The following FRMD4B variants were observed in gnomAD, a reference collection of about 807,000 sequenced individuals.
FRMD4B encodes FERM domain containing 4B.
A neutral mutation model predicts 141.5 loss-of-function variants in FRMD4B; 74 were observed. The observed-to-expected ratio is 0.52, with a 90% confidence interval of 0.43 to 0.63. FRMD4B has a LOEUF of 0.63. Ranked by LOEUF, FRMD4B falls within the 30% of genes least tolerant of loss-of-function variation. The pLI, the probability that FRMD4B is intolerant of heterozygous loss-of-function variation, is 0.00. For missense variants in FRMD4B, 1,366 were observed against 1,253.4 expected (o/e 1.09, Z -1.36); for synonymous variants, 506 against 467.9 (o/e 1.08, Z -1.05).
At chr3:69,269,646 TTTTG>T (rs1186595137) in intron 5 of FRMD4B, among the ~76,000 whole-genome samples, 1 of 152,236 alleles carries the variant, frequency 6.6e-6, no homozygotes, top group East Asian at 1.9e-4. Flanking sequence ...CTGTATTCTT[TTTTG>T]TTTGTTTGTT....
At chr3:69,493,117 A>T (rs1357851023) in intron 1 of FRMD4B, among the ~76,000 whole-genome samples, 1 of 152,210 alleles carries the variant, frequency 6.6e-6, no homozygotes, top group East Asian at 1.9e-4. Flanking sequence ...TACACAATCA[A>T]AAGCACAAAC....
chr3:69,254,308 C>T (rs1052868302), intron 5 of FRMD4B, among the ~76,000 whole-genome samples: 15 of 151,814 alleles, frequency 9.9e-5, no homozygotes, highest in African/African-American at 3.4e-4. Flanking sequence ...GAGGTTTCAC[C>T]ATGTTGGCCA....
At chr3:69,183,690 G>T (rs1412758756) in intron 19 of FRMD4B, among the ~76,000 whole-genome samples, 1 of 151,810 alleles carries the variant, frequency 6.6e-6, no homozygotes, top group Non-Finnish European at 1.5e-5. Context: ...CACCTTGTTA[G>T]CCAGGATGGT....
chr3:69,364,643 T>C (rs1376656983), intron 1 of FRMD4B, among the ~76,000 whole-genome samples: 2 of 152,166 alleles, frequency 1.3e-5, no homozygotes, highest in Non-Finnish European at 2.9e-5. Context: ...ATCTCCTGAG[T>C]AATCAGTTCT....
intron 1 of FRMD4B, among the ~76,000 whole-genome samples, chr3:69,449,038 G>A (rs908894362): frequency 5.9e-5 from 9 of 152,118 alleles, no homozygotes; most frequent in South Asian, 4.2e-4. Context: ...ATGTAGCCTC[G>A]TAAAACTGTA....
chr3:69,476,684 A>C (rs1322085460), intron 1 of FRMD4B, among the ~76,000 whole-genome samples: 2 of 151,862 alleles, frequency 1.3e-5, no homozygotes, highest in African/African-American at 2.4e-5. Context: ...CTTGGCAATG[A>C]GGGCTCTTTT....
rs1553691449 is a variant in FRMD4B, at chr3:69,169,375, T to TTTTTTTTTTTTTTTTTTTTTTTC, written c.*2485_*2486insGAAAAAAAAAAAAAAAAAAAAAA. On this transcript the variant is annotated 3_prime_UTR_variant, in exon 23 of 23. Transcript: ENST00000398540. Reference sequence around the variant, plus strand: ...TTTCTTTTTTTTTTTTTTTTTTTTTTCTTGAGACAAGGTCTGTTATTGCCT... The same window carrying TTTTTTTTTTTTTTTTTTTTTTTC: ...TTTCTTTTTTTTTTTTTTTTTTTTTTTTTTTTTTTTTTTTTTTTTTTTCCTTGAGACAAGGTCTGTTATTGCCT... Among the ~76,000 whole-genome samples the TTTTTTTTTTTTTTTTTTTTTTTC allele has an allele frequency of 1.6e-5, 2 of 124,610 alleles. 1 individual carries two copies. The allele number at this position is 124,610 out of a possible 152,430, so 81.7% of individuals were successfully genotyped here. A position where few individuals can be genotyped will look rare whatever the true frequency, so the allele number is the denominator to read the frequency against.
intron 11 of FRMD4B, among the ~76,000 whole-genome samples, chr3:69,205,532 T>C (rs914662490): frequency 5.9e-5 from 9 of 152,066 alleles, no homozygotes; most frequent in Non-Finnish European, 7.4e-5. Flanking sequence ...TTTTTCTTAG[T>C]GATTCTCAAC....
chr3:69,211,022 C>CAAAAAAAAAAAAA (rs1559720205), intron 11 of FRMD4B, among the ~76,000 whole-genome samples: 37 of 3,354 alleles, frequency 0.011, 1 homozygote, highest in African/African-American at 0.021. Flanking sequence ...AATGCCATCT[C>CAAAAAAAAAAAAA]GAAAAAAAAA....
At chr3:69,451,354 A>G (rs1705496063) in intron 1 of FRMD4B, among the ~76,000 whole-genome samples, 1 of 152,206 alleles carries the variant, frequency 6.6e-6, no homozygotes, top group Non-Finnish European at 1.5e-5. Flanking sequence ...TCAGTGACTG[A>G]TGGATGATAG....
At chr3:69,196,160 A>T (rs923027382) in intron 14 of FRMD4B, 95 bp downstream of exon 14, 8 of 970,794 alleles carry the variant, frequency 8.2e-6, no homozygotes, top group African/African-American at 1.7e-5. Context: ...TATTCCCAAA[A>T]TAATGGATTA....
At chr3:69,448,253 C>T (rs568161096) in intron 1 of FRMD4B, among the ~76,000 whole-genome samples, 14 of 152,094 alleles carry the variant, frequency 9.2e-5, no homozygotes, top group Non-Finnish European at 1.3e-4. Flanking sequence ...TGGTCTCGAA[C>T]GCCTGACCTC....
At chr3:69,328,453 T>C (rs1034772797) in intron 1 of FRMD4B, among the ~76,000 whole-genome samples, 2 of 152,204 alleles carry the variant, frequency 1.3e-5, no homozygotes, top group Non-Finnish European at 2.9e-5. Flanking sequence ...GTGTTTGCAC[T>C]GGAGTGACTC....
chr3:69,247,736 C>G (rs2093434381), intron 7 of FRMD4B, among the ~76,000 whole-genome samples: 1 of 152,204 alleles, frequency 6.6e-6, no homozygotes, highest in Admixed American at 6.5e-5. Context: ...GCAAGCTCCA[C>G]CTCCCGGGTT....
intron 11 of FRMD4B, among the ~76,000 whole-genome samples, chr3:69,207,144 G>T (rs767261737): frequency 1.3e-5 from 2 of 151,778 alleles, no homozygotes; most frequent in Non-Finnish European, 2.9e-5. Context: ...CTCCATAACA[G>T]AATTTAAAAA....
chr3:69,317,208 C>G (rs1701830059), intron 1 of FRMD4B, among the ~76,000 whole-genome samples: 2 of 152,138 alleles, frequency 1.3e-5, no homozygotes, highest in African/African-American at 4.8e-5. Flanking sequence ...TTTGATGTGC[C>G]TAACCATTTC....
In FRMD4B at chr3:69,499,597, A is replaced by G. The variant is rs372536298; in HGVS notation, c.-129+42609T>C. Among the ~76,000 whole-genome samples, 6 of 152,214 alleles carry G rather than the reference A, an allele frequency of 3.9e-5. No homozygotes were observed. The South Asian group carries it at 6.2e-4, about 16-fold the overall frequency. ...TACTGATGATGCAATCCACATCTCT[A>G]TAGCTCTCCAGTAATCTCTAATTGT... On this transcript the variant is annotated intron_variant, in intron 1 of 5. Coordinates refer to the FRMD4B transcript ENST00000459638.
intron 2 of FRMD4B, among the ~76,000 whole-genome samples, chr3:69,430,359 C>T (rs1705159319): frequency 1.3e-5 from 2 of 152,262 alleles, no homozygotes; most frequent in South Asian, 4.2e-4. Context: ...CCTATTTAGG[C>T]TGATCCTTAT....
intron 3 of FRMD4B, among the ~76,000 whole-genome samples, chr3:69,305,743 G>T (rs1701372459): frequency 6.6e-6 from 1 of 152,178 alleles, no homozygotes; most frequent in South Asian, 2.1e-4. Flanking sequence ...AACAGAGAGA[G>T]ACCCTGTCTC....
Sources: allele counts gnomAD v4.1 joint callset (sites outside exome capture counted in the v4.1 genomes callset), GRCh38; gene constraint gnomAD v4.1.1; transcripts MANE v1.5; gene names NCBI Gene and HGNC (gene_info 2026-07-23, HGNC 2026-07-21).